GRID2: variants seen among roughly 807,000 people sequenced by gnomAD.
GRID2 encodes the protein glutamate receptor ionotropic, delta-2.
GRID2 carries 33 observed loss-of-function variants against 114.8 expected under a neutral mutation model. The ratio of observed to expected loss-of-function variants is 0.29; its 90% confidence interval spans 0.22 to 0.38. The LOEUF (loss-of-function observed/expected upper bound fraction) is 0.38. GRID2 is among the 10% of genes least tolerant of loss of function. The pLI, the probability that GRID2 is intolerant of heterozygous loss-of-function variation, is 1.00. For synonymous variants in GRID2, 505 were observed against 449.9 expected, an observed-to-expected ratio of 1.12 and a Z score of -1.55; for missense variants, 1,184 against 1,257.7, an observed-to-expected ratio of 0.94 and a Z score of 0.89.
At chr4:93,518,927 A>T (rs751824087) in intron 13 of GRID2, among the ~76,000 whole-genome samples, 2 of 152,134 alleles carry the variant, frequency 1.3e-5, no homozygotes, top group Non-Finnish European at 2.9e-5. Context: ...CAACAAGGTC[A>T]AGAGGTAAAA....
At chr4:93,508,398 T>C (rs769772725) in intron 12 of GRID2, among the ~76,000 whole-genome samples, 20 of 152,060 alleles carry the variant, frequency 1.3e-4, no homozygotes, top group Non-Finnish European at 1.9e-4. Flanking sequence ...GGTTTCACCA[T>C]GTTGGCCAGG....
At chr4:93,016,278 G>A (rs1005880063) in intron 2 of GRID2, among the ~76,000 whole-genome samples, 2 of 152,106 alleles carry the variant, frequency 1.3e-5, no homozygotes, top group Non-Finnish European at 2.9e-5. Flanking sequence ...TAAAACAGGA[G>A]GGAAGTTAAG....
intron 1 of GRID2, among the ~76,000 whole-genome samples, chr4:92,344,500 T>C (rs1727667424): frequency 6.6e-6 from 1 of 152,220 alleles, no homozygotes; most frequent in African/African-American, 2.4e-5. Context: ...ACAAACTTAG[T>C]GGCTCAAAAC....
At chr4:93,795,390 T>G (rs1244441020) in intron 1 of GRID2, among the ~76,000 whole-genome samples, 1 of 151,992 alleles carries the variant, frequency 6.6e-6, no homozygotes, top group Non-Finnish European at 1.5e-5. Context: ...TCATATACCT[T>G]TACTTAATTT....
chr4:92,753,308 T>C (rs375985991), intron 2 of GRID2, among the ~76,000 whole-genome samples: 1 of 152,106 alleles, frequency 6.6e-6, no homozygotes. Flanking sequence ...TGCCAAGATC[T>C]GGAGAGAGAG....
chr4:93,128,224 G>T (rs1010915297), intron 4 of GRID2, among the ~76,000 whole-genome samples: 1 of 151,824 alleles, frequency 6.6e-6, no homozygotes, highest in Non-Finnish European at 1.5e-5. Context: ...CTATTACATG[G>T]TATCATAATA....
At chr4:93,078,920 A>G (rs1455344354) in intron 2 of GRID2, among the ~76,000 whole-genome samples, 1 of 147,244 alleles carries the variant, frequency 6.8e-6, no homozygotes, top group Non-Finnish European at 1.5e-5. Flanking sequence ...TAAATTTTAT[A>G]TATAAATTTT....
chr4:93,238,880 C>T (rs1747128495), intron 8 of GRID2, among the ~76,000 whole-genome samples: 1 of 151,324 alleles, frequency 6.6e-6, no homozygotes, highest in Non-Finnish European at 1.5e-5. Flanking sequence ...TATAGTAAGA[C>T]AGAAAGTCTA....
At chr4:92,884,875 G>T in intron 2 of GRID2, 1 of 409,260 alleles carries the variant, frequency 2.4e-6, no homozygotes, top group East Asian at 7.0e-5. Context: ...TGTCAGTTGA[G>T]AAATGTTCTG....
In GRID2 at chr4:93,725,803, G is replaced by A. The variant is rs1017159672; in HGVS notation, c.2361-43407G>A. 6.6e-5 allele frequency among the ~76,000 whole-genome samples: 10 copies of A among 152,156 alleles called. No individual in the cohort carries two copies. The South Asian group carries it at 8.3e-4, about 13-fold the overall frequency. On this transcript the variant is annotated intron_variant, in intron 14 of 15. Coordinates refer to ENST00000282020, the MANE Select transcript of GRID2 (RefSeq NM_001510.4). ...CTTCTTTTGAGAAGTGTCTGTTCATGTCCTTCGCCCACTTGTTGATGGGGT... is the reference window on the plus strand; with the variant it reads ...CTTCTTTTGAGAAGTGTCTGTTCATATCCTTCGCCCACTTGTTGATGGGGT...
At chr4:93,449,017 T>C (rs979884365) in intron 10 of GRID2, among the ~76,000 whole-genome samples, 22 of 149,842 alleles carry the variant, frequency 1.5e-4, no homozygotes, top group African/African-American at 5.4e-4. Context: ...CCCTTTTTTT[T>C]CCACCCTTTC....
At chr4:92,979,161 A>C (rs1484605852) in intron 2 of GRID2, among the ~76,000 whole-genome samples, 2 of 152,158 alleles carry the variant, frequency 1.3e-5, no homozygotes, top group Non-Finnish European at 2.9e-5. Context: ...AAAATATTCC[A>C]GATTTGAAGG....
chr4:92,990,276 G>T (rs1327703574), intron 2 of GRID2, among the ~76,000 whole-genome samples: 3 of 108,266 alleles, frequency 2.8e-5, no homozygotes, highest in South Asian at 3.3e-4. Context: ...TATGTACGTA[G>T]ATATGTGTGT....
At chr4:93,300,912 G>A (rs904458956) in intron 8 of GRID2, among the ~76,000 whole-genome samples, 2 of 152,156 alleles carry the variant, frequency 1.3e-5, no homozygotes, top group African/African-American at 4.8e-5. Context: ...AACAGGGCAG[G>A]GAGTTTCACA....
rs527322581 is a variant in GRID2, at chr4:93,191,667, T to C, written c.736-15737T>C. 4.6e-5 allele frequency among the ~76,000 whole-genome samples: 7 copies of C among 152,250 alleles called. 1 individual carries two copies. The South Asian group carries it at 1.5e-3, about 32-fold the overall frequency. ...AAATAGCAATAAACATTTATTTTTCTTTTTGTCACATCAAGATTTGTCTAA... is the reference window on the plus strand; with the variant it reads ...AAATAGCAATAAACATTTATTTTTCCTTTTGTCACATCAAGATTTGTCTAA... On this transcript the variant is annotated intron_variant, in intron 4 of 15. Transcript: ENST00000282020.
At chr4:92,347,635 T>C (rs1038545338) in intron 1 of GRID2, among the ~76,000 whole-genome samples, 2 of 152,262 alleles carry the variant, frequency 1.3e-5, no homozygotes, top group Admixed American at 6.5e-5. Flanking sequence ...TTCTTAATAA[T>C]AGTATTGAGA....
intron 7 of GRID2, among the ~76,000 whole-genome samples, chr4:93,235,598 C>G (rs558405339): frequency 3.9e-5 from 6 of 151,994 alleles, no homozygotes; most frequent in Non-Finnish European, 8.8e-5. Context: ...TTTATTTGCT[C>G]GAAATACTGA....
chr4:92,486,827 T>C (rs192273539), intron 1 of GRID2, among the ~76,000 whole-genome samples: 298 of 152,134 alleles, frequency 2.0e-3, no homozygotes, highest in Admixed American at 3.3e-3. Context: ...TATGAACAGA[T>C]GCTTAACATC....
chr4:93,773,974 G>A lies in GRID2; in HGVS notation c.*1476G>A, dbSNP rs1313861882. On this transcript the variant is annotated 3_prime_UTR_variant, in exon 16 of 16. Transcript: ENST00000282020. Reference sequence around the variant, plus strand: ...TTGTTTGTAATCCTTAAATTAAAATGTGGTAAGTAGGAAGCAAGAACTTAT... The same window carrying A: ...TTGTTTGTAATCCTTAAATTAAAATATGGTAAGTAGGAAGCAAGAACTTAT... 6 of 152,190 alleles carry A rather than the reference G, an allele frequency of 3.9e-5. No homozygotes were observed. The highest frequency in any genetic ancestry group is 2.1e-4 in the South Asian group (1 of 4,828). 9.4% of individuals were successfully genotyped at this position (152,190 alleles called of 1,614,324 possible).
Sources: allele counts gnomAD v4.1 joint callset (sites outside exome capture counted in the v4.1 genomes callset), GRCh38; gene constraint gnomAD v4.1.1; transcripts MANE v1.5; gene names NCBI Gene and HGNC (gene_info 2026-07-23, HGNC 2026-07-21).